The following ARFGEF2 variants were observed in gnomAD, a reference collection of about 807,000 sequenced individuals.
The protein encoded by ARFGEF2 is brefeldin A-inhibited guanine nucleotide-exchange protein 2.
Under a neutral mutation model 219.9 loss-of-function variants are expected in ARFGEF2, and 74 were observed. The observed-to-expected ratio is 0.34, with a 90% CI of 0.28 to 0.41. The LOEUF is 0.41. Ranked by LOEUF, ARFGEF2 falls within the 10% of genes least tolerant of loss-of-function variation. The pLI, the probability that ARFGEF2 is intolerant of heterozygous loss-of-function variation, is 1.00. For synonymous variants in ARFGEF2, 733 were observed against 799.2 expected, an observed-to-expected ratio of 0.92 and a Z score of 1.40; for missense variants, 1,743 against 2,218.3, an observed-to-expected ratio of 0.79 and a Z score of 4.30.
intron 3 of ARFGEF2, among the ~76,000 whole-genome samples, chr20:48,950,787 C>T (rs548497521): frequency 1.1e-5 from 1 of 93,636 alleles, no homozygotes; most frequent in Non-Finnish European, 2.0e-5. Flanking sequence ...CAGAATAAGA[C>T]CCTGTCTAAA....
chr20:49,007,837 T>G (rs1261522035), intron 26 of ARFGEF2, among the ~76,000 whole-genome samples: 1 of 152,132 alleles, frequency 6.6e-6, no homozygotes, highest in Non-Finnish European at 1.5e-5. Flanking sequence ...GGAACACCAT[T>G]GAGAGTGCCT....
rs534605322 is a variant in ARFGEF2 at position 48,946,579 on chromosome 20, G to A, written c.276+4592G>A. 6.6e-5 allele frequency among the ~76,000 whole-genome samples: 10 copies of A among 152,050 alleles called. No individual in the cohort carries two copies. The East Asian group carries it at 1.9e-3, about 29-fold the overall frequency. ...TTCATTCTGTTACCTAGGCTGGAGT[G>A]CAGTGGCGTGATCAGGCTTCCGAAA... On this transcript the variant is annotated intron_variant, in intron 3 of 38. Transcript: ENST00000371917.
At chr20:48,926,786 A>T (rs1284091388) in intron 1 of ARFGEF2, among the ~76,000 whole-genome samples, 1 of 152,148 alleles carries the variant, frequency 6.6e-6, no homozygotes, top group Non-Finnish European at 1.5e-5. Context: ...TTCTTTGGGT[A>T]CAGCAGGCAA....
intron 14 of ARFGEF2, among the ~76,000 whole-genome samples, chr20:48,978,497 T>C (rs564735625): frequency 6.6e-6 from 1 of 152,356 alleles, no homozygotes; most frequent in East Asian, 1.9e-4. Flanking sequence ...TTTTTTCCAA[T>C]TCTGTGAAGA....
chr20:48,989,307 G>A lies in ARFGEF2; in HGVS notation c.2556G>A (p.Arg852=), dbSNP rs2123461439. 1.2e-6 allele frequency: 2 copies of A among 1,614,092 alleles called. No homozygotes were observed. The highest frequency in any genetic ancestry group is 1.7e-6 in the Non-Finnish European group (2 of 1,179,952). ...TKQNVASEKQ[R]RLLYNLEMEQ... is the part of the protein sequence containing the mutation. ...CAGATGTAGCTAGTGAAAAGCAGCGGCGGCTGCTGTACAACTTAGAGATGG... is the reference window on the plus strand; with the variant it reads ...CAGATGTAGCTAGTGAAAAGCAGCGACGGCTGCTGTACAACTTAGAGATGG... Residue 852 remains arginine (R), a synonymous_variant, in exon 19 of 39, where the codon CGG becomes CGA. Transcript: ENST00000371917.
At chr20:49,002,466 A>G (rs1417288748) in intron 25 of ARFGEF2, among the ~76,000 whole-genome samples, 4 of 152,128 alleles carry the variant, frequency 2.6e-5, no homozygotes, top group Non-Finnish European at 5.9e-5. Flanking sequence ...GAACTTGACT[A>G]CTATGGGTAC....
intron 36 of ARFGEF2, among the ~76,000 whole-genome samples, chr20:49,025,896 C>T (rs573675845): frequency 6.6e-6 from 1 of 151,632 alleles, no homozygotes; most frequent in East Asian, 1.9e-4. Flanking sequence ...GCAGGAGAAT[C>T]GCTTGTACCC....
intron 1 of ARFGEF2, among the ~76,000 whole-genome samples, chr20:48,934,585 AT>A (rs2090935026): frequency 6.6e-6 from 1 of 152,034 alleles, no homozygotes; most frequent in African/African-American, 2.4e-5. Context: ...GCTCCCACTT[AT>A]GAGTGAGAAC....
At chr20:48,928,152 C>T (rs2090889648) in intron 1 of ARFGEF2, among the ~76,000 whole-genome samples, 1 of 150,054 alleles carries the variant, frequency 6.7e-6, no homozygotes, top group Non-Finnish European at 1.5e-5. Flanking sequence ...TGGCACCTAA[C>T]AGATGACCTG....
At chr20:49,029,549 A>G (rs1195633467) in intron 37 of ARFGEF2, among the ~76,000 whole-genome samples, 1 of 152,210 alleles carries the variant, frequency 6.6e-6, no homozygotes, top group East Asian at 1.9e-4. Flanking sequence ...CTAAGCTGTA[A>G]TATGTCCTAA....
intron 30 of ARFGEF2, among the ~76,000 whole-genome samples, chr20:49,014,778 ATGGT>A (rs1267894302): frequency 6.6e-6 from 1 of 152,206 alleles, no homozygotes; most frequent in Non-Finnish European, 1.5e-5. Context: ...ATAAATAAAT[ATGGT>A]TGAGGTCATA....
chr20:49,007,586 G>T (rs1415200996), intron 26 of ARFGEF2, among the ~76,000 whole-genome samples: 1 of 142,210 alleles, frequency 7.0e-6, no homozygotes, highest in African/African-American at 2.6e-5. Context: ...GCCACACCTG[G>T]TGTTGCTTTT....
At position 48,921,821 on chromosome 20, in the gene ARFGEF2, G is replaced by T; in HGVS notation, c.-69G>T. ...CGGTGCCGGCCGGGACGCCGGGCCC[G>T]CAGCCTAGCTCGCCATCTCGCTCAC... On this transcript the variant is annotated 5_prime_UTR_variant, in exon 1 of 39. Transcript: ENST00000371917. 1 of 1,327,742 alleles carries T rather than the reference G, an allele frequency of 7.5e-7. No homozygotes were observed. Among genetic ancestry groups the T allele is most frequent in the African/African-American group, 1.6e-5 (1 of 64,128 alleles). The allele number at this position is 1,327,742 out of a possible 1,614,324, so 82.2% of individuals were successfully genotyped here.
intron 12 of ARFGEF2, among the ~76,000 whole-genome samples, chr20:48,974,487 C>G (rs908837412): frequency 6.6e-6 from 1 of 152,068 alleles, no homozygotes; most frequent in African/African-American, 2.4e-5. Context: ...ATGAAAACTT[C>G]TTTTGAAAAT....
intron 1 of ARFGEF2, among the ~76,000 whole-genome samples, chr20:48,922,246 C>T (rs1369008137): frequency 6.6e-6 from 1 of 152,238 alleles, no homozygotes; most frequent in Non-Finnish European, 1.5e-5. Context: ...AGGGTTCCAG[C>T]TCAGGGCTTT....
At chr20:48,969,739 G>A (rs1355799621) in intron 9 of ARFGEF2, among the ~76,000 whole-genome samples, 1 of 152,156 alleles carries the variant, frequency 6.6e-6, no homozygotes, top group African/African-American at 2.4e-5. Flanking sequence ...GGATGTCAGC[G>A]CTGTGGAGTG....
chr20:49,021,212 G>A (rs2091563083), intron 34 of ARFGEF2, among the ~76,000 whole-genome samples: 1 of 151,336 alleles, frequency 6.6e-6, no homozygotes, highest in African/African-American at 2.4e-5. Context: ...GACCAGCCTG[G>A]GCAACATGGT....
intron 8 of ARFGEF2, 129 bp downstream of exon 8, chr20:48,966,152 C>G: frequency 8.7e-7 from 1 of 1,147,344 alleles, no homozygotes; most frequent in Non-Finnish European, 1.3e-6. Flanking sequence ...TCACACAGTC[C>G]TGGGCTGATA....
intron 31 of ARFGEF2, among the ~76,000 whole-genome samples, chr20:49,016,662 G>A (rs2091532802): frequency 1.3e-5 from 2 of 151,984 alleles, no homozygotes; most frequent in Admixed American, 1.3e-4. Context: ...GTATTATACT[G>A]TTCTTTTTAC....
Sources: allele counts gnomAD v4.1 joint callset (sites outside exome capture counted in the v4.1 genomes callset), GRCh38; gene constraint gnomAD v4.1.1; transcripts MANE v1.5; gene names NCBI Gene and HGNC (gene_info 2026-07-23, HGNC 2026-07-21).